The following ZNF383 variants were observed in gnomAD, a reference collection of about 807,000 sequenced individuals.
The protein encoded by ZNF383 is zinc finger protein 383.
In ZNF383, 32 loss-of-function variants were observed where a neutral mutation model predicts 44.2. The ratio of observed to expected loss-of-function variants is 0.72; its 90% CI spans 0.55 to 0.97. ZNF383 has a LOEUF of 0.97. Among genes scored for constraint, ZNF383 ranks in the 50% least tolerant of loss-of-function variants. The pLI is 0.00. For missense variants in ZNF383, 487 were observed against 562.5 expected, an observed-to-expected ratio of 0.87 and a Z score of 1.36; for synonymous variants, 155 against 186.2, an observed-to-expected ratio of 0.83 and a Z score of 1.36.
chr19:37,228,094 G>A (rs1328661114), intron 2 of ZNF383, among the ~76,000 whole-genome samples: 1 of 152,170 alleles, frequency 6.6e-6, no homozygotes, highest in Non-Finnish European at 1.5e-5. Flanking sequence ...GGGAAAGGGA[G>A]ACTCCTTTTC....
intron 5 of ZNF383, among the ~76,000 whole-genome samples, chr19:37,237,748 C>T (rs1179204271): frequency 6.6e-6 from 1 of 152,116 alleles, no homozygotes; most frequent in African/African-American, 2.4e-5. Flanking sequence ...GGCAGTAGGG[C>T]AAGAGAGCCA....
rs1195380534 is a variant in ZNF383 at position 37,247,416 on chromosome 19, G to C, written c.*3752G>C. On this transcript the variant is annotated 3_prime_UTR_variant, in exon 6 of 6. Transcript: ENST00000684119. ...AAACTTAAAAGAACTGTGTCATTTG[G>C]GGTAATGAAAATGTGGCATGGGTAA... 2.0e-5 allele frequency: 3 copies of C among 152,178 alleles called. No homozygotes were observed. The highest frequency in any genetic ancestry group is 7.2e-5 in the African/African-American group (3 of 41,432). The allele number at this position is 152,178 out of a possible 1,614,324, so 9.4% of individuals were successfully genotyped here. A position where few individuals can be genotyped will look rare whatever the true frequency, so the allele number is the denominator to read the frequency against.
Position 37,242,604 on chromosome 19 carries a change from A to G in ZNF383, c.368A>G (p.Tyr123Cys). 2 of 1,614,074 alleles carry G rather than the reference A, an allele frequency of 1.2e-6. No homozygotes were observed. Among genetic ancestry groups the G allele is most frequent in the East Asian group, 2.2e-5 (1 of 44,854 alleles). The change falls in exon 6 of 6, where the codon TAT becomes TGT. Residue 123 changes from tyrosine to cysteine, a missense_variant. Physicochemically the swap from Tyr to Cys is radical, Grantham distance 194 (BLOSUM62 -2). Transcript: ENST00000684119. ...EYSSFGDVLE[Y>C]RSHLAKQLGY... ...TCCAGTTTTGGAGATGTTTTGGAATATAGAAGCCACCTTGCAAAACAACTG... is the reference window on the plus strand; with the variant it reads ...TCCAGTTTTGGAGATGTTTTGGAATGTAGAAGCCACCTTGCAAAACAACTG...
intron 2 of ZNF383, among the ~76,000 whole-genome samples, chr19:37,229,036 T>C (rs1973319571): frequency 1.3e-5 from 2 of 152,038 alleles, no homozygotes; most frequent in African/African-American, 4.8e-5. Flanking sequence ...GTTGTGTAAG[T>C]TTTCATTAGT....
chr19:37,221,955 CAAAAAAA>C (rs71177435), intron 1 of ZNF383, among the ~76,000 whole-genome samples: 1 of 93,974 alleles, frequency 1.1e-5, no homozygotes, highest in Non-Finnish European at 2.2e-5. Context: ...GACTCTGTCT[CAAAAAAA>C]AAAAAAAAAA....
At position 37,222,875 on chromosome 19, in the gene ZNF383, C is replaced by A. The variant is rs190461712; in HGVS notation, c.-167-1943C>A. ...TGTATATGTTCAGCTCTAATAGATA[C>A]TGACAGTTTTCTGAAATAGTGGTAT... On this transcript the variant is annotated intron_variant, in intron 1 of 5. Coordinates refer to ENST00000684119, the MANE Select transcript of ZNF383 (RefSeq NM_001387601.1). 2.6e-5 allele frequency among the ~76,000 whole-genome samples: 4 copies of A among 151,900 alleles called. No individual in the cohort carries two copies. In the East Asian group the frequency reaches 5.8e-4, roughly 22 times the overall value.
Position 37,247,168 on chromosome 19 carries a change from A to G in ZNF383, c.*3504A>G, listed in dbSNP as rs142069771. Reference sequence around the variant, plus strand: ...TTGTAATACTAGGAAGAAAAAATATAGAACCCAAGGAACTAAAACAAGCTG... The same window carrying G: ...TTGTAATACTAGGAAGAAAAAATATGGAACCCAAGGAACTAAAACAAGCTG... On this transcript the variant is annotated 3_prime_UTR_variant, in exon 6 of 6. Transcript: ENST00000684119. The G allele has an allele frequency of 5.9e-5, 9 of 152,320 alleles. No individual in the cohort carries two copies. The highest frequency in any genetic ancestry group is 1.0e-4 in the Non-Finnish European group (7 of 68,032). 9.4% of individuals were successfully genotyped at this position (152,320 alleles called of 1,614,324 possible).
intron 5 of ZNF383, among the ~76,000 whole-genome samples, chr19:37,236,816 C>G (rs1395858842): frequency 6.6e-6 from 1 of 152,124 alleles, no homozygotes; most frequent in East Asian, 1.9e-4. Context: ...GATCTACCCG[C>G]CTCAGCCTCC....
At chr19:37,235,752 T>C in intron 4 of ZNF383, 77 bp downstream of exon 4, 1 of 1,481,486 alleles carries the variant, frequency 6.7e-7, no homozygotes, top group Non-Finnish European at 9.1e-7. Flanking sequence ...TCTCAGCTGC[T>C]TTTCAGGTTA....
At chr19:37,228,163 C>T (rs113041240) in intron 2 of ZNF383, among the ~76,000 whole-genome samples, 2,438 of 152,320 alleles carry the variant, frequency 0.016, 60 homozygotes, top group African/African-American at 0.055. Context: ...AGACCAAGGT[C>T]GGCTAAGTAA....
intron 2 of ZNF383, among the ~76,000 whole-genome samples, chr19:37,229,684 G>GTA (rs1973369517): frequency 8.3e-6 from 1 of 120,160 alleles, no homozygotes; most frequent in African/African-American, 4.2e-5. Flanking sequence ...ATGTATATGT[G>GTA]TGTGTATATA....
intron 3 of ZNF383, among the ~76,000 whole-genome samples, chr19:37,232,954 T>G (rs1207574783): frequency 6.6e-6 from 1 of 152,052 alleles, no homozygotes; most frequent in Non-Finnish European, 1.5e-5. Context: ...TATTATATTC[T>G]CTTATTTTTT....
chr19:37,240,794 G>A (rs898972223), intron 5 of ZNF383, among the ~76,000 whole-genome samples: 1 of 151,900 alleles, frequency 6.6e-6, no homozygotes, highest in Non-Finnish European at 1.5e-5. Context: ...TGAATAACCC[G>A]CTGTTACCAA....
At chr19:37,232,421 AC>A (rs1247119182) in intron 3 of ZNF383, among the ~76,000 whole-genome samples, 13 of 152,138 alleles carry the variant, frequency 8.5e-5, no homozygotes, top group African/African-American at 3.1e-4. Context: ...CCAGAGAATT[AC>A]CTCATCTTAT....
At chr19:37,226,021 G>A (rs568645825) in intron 2 of ZNF383, among the ~76,000 whole-genome samples, 4 of 148,968 alleles carry the variant, frequency 2.7e-5, no homozygotes, top group African/African-American at 9.9e-5. Context: ...GGATGGTCTC[G>A]ATCTCCTGAC....
At position 37,234,038 on chromosome 19, in the gene ZNF383, A is replaced by G. The variant is rs574594939; in HGVS notation, c.10-1511A>G. Among the ~76,000 whole-genome samples, 3 of 151,392 alleles carry G rather than the reference A, an allele frequency of 2.0e-5. No individual in the cohort carries two copies. The South Asian group carries it at 6.3e-4, about 32-fold the overall frequency. On this transcript the variant is annotated intron_variant, in intron 3 of 5. Coordinates refer to ENST00000684119, the MANE Select transcript of ZNF383 (RefSeq NM_001387601.1). ...TGTCACCACGCCCAGCTAATTTTGT[A>G]TTTTTAGTAAAGACGGGGTTTCTCC...
rs150598767 is a variant in ZNF383, at chr19:37,243,458, C to A, written c.1222C>A (p.Gln408Lys). The A allele has an allele frequency of 3.5e-5, 57 of 1,613,786 alleles. No individual in the cohort carries two copies. Among genetic ancestry groups the A allele is most frequent in the Non-Finnish European group, 4.7e-5 (55 of 1,179,866 alleles). The part of the protein sequence containing the change: ...ECGKAFTQNS[Q>K]LFQHQRIHTD... ...TGGGAAGGCCTTTACTCAGAACTCACAACTTTTCCAGCATCAGAGAATTCA... is the reference window on the plus strand; with the variant it reads ...TGGGAAGGCCTTTACTCAGAACTCAAAACTTTTCCAGCATCAGAGAATTCA... The change falls in exon 6 of 6, where the codon CAA becomes AAA. Residue 408 changes from glutamine (Q) to lysine (K), a missense_variant. Coordinates refer to ENST00000684119, the MANE Select transcript of ZNF383 (RefSeq NM_001387601.1).
At chr19:37,228,306 G>C (rs931546022) in intron 2 of ZNF383, among the ~76,000 whole-genome samples, 4 of 151,782 alleles carry the variant, frequency 2.6e-5, no homozygotes, top group Non-Finnish European at 5.9e-5. Flanking sequence ...TTTTATCTCT[G>C]TACTGTGTTC....
chr19:37,242,360 C>A, intron 5 of ZNF383, 109 bp from the exon 6 acceptor site: 1 of 668,080 alleles, frequency 1.5e-6, no homozygotes, highest in Non-Finnish European at 2.5e-6. Flanking sequence ...AACCCTGTGT[C>A]ATTTACCTAG....
Sources: allele counts gnomAD v4.1 joint callset (sites outside exome capture counted in the v4.1 genomes callset), GRCh38; gene constraint gnomAD v4.1.1; transcripts MANE v1.5; gene names NCBI Gene and HGNC (gene_info 2026-07-23, HGNC 2026-07-21).